Variants in SH2B1 observed in about 807,000 individuals in gnomAD.
SH2B1 encodes SH2B adaptor protein 1.
In SH2B1, 15 loss-of-function variants were observed where a neutral mutation model predicts 62.6. That is an observed-to-expected ratio of 0.24 (90% CI 0.16 to 0.37). The LOEUF (loss-of-function observed/expected upper bound fraction) is 0.37, where lower values mean the gene tolerates loss of function less well. Ranked by LOEUF, SH2B1 falls within the 10% of genes least tolerant of loss-of-function variation. The pLI, the probability that SH2B1 is intolerant of heterozygous loss-of-function variation, is 1.00. For synonymous variants in SH2B1, 443 were observed against 438.0 expected, an observed-to-expected ratio of 1.01 and a Z score of -0.14; for missense variants, 925 against 1,015.6, an observed-to-expected ratio of 0.91 and a Z score of 1.21.
Position 28,873,681 on chromosome 16 carries a change from G to C in SH2B1, c.2132G>C (p.Gly711Ala). The C allele has an allele frequency of 6.6e-7, 1 of 1,521,528 alleles. No homozygotes were observed. The highest frequency in any genetic ancestry group is 8.8e-7 in the Non-Finnish European group (1 of 1,132,260). 94.3% of individuals were successfully genotyped at this position (1,521,528 alleles called of 1,614,324 possible). ...GAATTGGAAGAGGCCATAGCCCCAG[G>C]CTCAGAGGCCCAGGGCGCTGGGTCT... Reference protein sequence around the residue: ...VVELEEAIAPGSEAQGAGSGG... With the variant: ...VVELEEAIAPASEAQGAGSGG... The change falls in exon 8 of 8, where the codon GGC becomes GCC. Residue 711 changes from glycine to alanine, a missense_variant. Transcript: ENST00000684370. The surrounding 1 kb of genome is among the most constrained non-coding windows in gnomAD (Gnocchi z 4.2).
At chr16:28,868,145 A>ATT (rs1164640704) in intron 2 of SH2B1, among the ~76,000 whole-genome samples, 4 of 116,448 alleles carry the variant, frequency 3.4e-5, no homozygotes, top group East Asian at 5.2e-4. Flanking sequence ...TTTATTATTT[A>ATT]TTTATTTTTT....
rs773735992 is a variant in SH2B1 at position 28,866,111 on chromosome 16, C to T, written c.17C>T (p.Ser6Phe). The T allele has an allele frequency of 8.2e-6, 13 of 1,578,292 alleles. No individual in the cohort carries two copies. Among genetic ancestry groups the T allele is most frequent in the Admixed American group, 1.8e-5 (1 of 57,042 alleles). The change falls in exon 1 of 8, where the codon TCC (serine) becomes TTC (phenylalanine). Residue 6 changes from serine (S) to phenylalanine (F), a missense_variant. Ser to Phe is a radical substitution (Grantham distance 155). Transcript: ENST00000684370. This position sits in a 1 kb window ranked among gnomAD's most constrained non-coding sequence, Gnocchi z 6.3. ...GGGCCCATCATGAATGGTGCCCCTT[C>T]CCCAGAGGACGGGGCCTCCCCCTCG... The part of the protein sequence containing the change: MNGAP[S>F]PEDGASPSSP...
Position 28,864,501 on chromosome 16 carries a change from G to A in SH2B1, c.-1594G>A. ...CTCCTGATTGTTTCTCGTTGGTTTGGAGTTGTCCCTGCGGTTGGAGCCATC... is the reference window on the plus strand; with the variant it reads ...CTCCTGATTGTTTCTCGTTGGTTTGAAGTTGTCCCTGCGGTTGGAGCCATC... On this transcript the variant is annotated 5_prime_UTR_variant, in exon 1 of 8. An upstream open reading frame in the 5' UTR gains an earlier in-frame stop. Transcript: ENST00000684370. The A allele has an allele frequency of 2.0e-6, 2 of 985,766 alleles. No homozygotes were observed. Among genetic ancestry groups the A allele is most frequent in the Non-Finnish European group, 2.4e-6 (2 of 830,068 alleles). 61.1% of individuals were successfully genotyped at this position (985,766 alleles called of 1,614,324 possible).
intron 1 of SH2B1, among the ~76,000 whole-genome samples, chr16:28,853,069 CAT>C (rs1487567578): frequency 1.0e-5 from 1 of 96,850 alleles, no homozygotes; most frequent in Non-Finnish European, 1.9e-5. Context: ...TATATATGTA[CAT>C]ATATATTTAT....
intron 1 of SH2B1, among the ~76,000 whole-genome samples, chr16:28,847,570 C>A (rs779554302): frequency 3.3e-5 from 5 of 151,996 alleles, no homozygotes; most frequent in Non-Finnish European, 7.4e-5. Flanking sequence ...ATAGTCCCAG[C>A]AGTTTGGGAG....
Position 28,863,889 on chromosome 16 carries a change from C to A in SH2B1, c.-2206C>A. 4.0e-6 allele frequency: 6 copies of A among 1,487,472 alleles called. No individual in the cohort carries two copies. The highest frequency in any genetic ancestry group is 5.3e-6 in the Non-Finnish European group (6 of 1,124,522). The allele number at this position is 1,487,472 out of a possible 1,614,324, so 92.1% of individuals were successfully genotyped here. On this transcript the variant is annotated 5_prime_UTR_variant, in exon 1 of 8. Transcript: ENST00000684370. ...GCGTAGTGGGTGGGGGCGCAGGGAG[C>A]GGGAGCCGCCGCCGCCGCCGCCGCC...
At chr16:28,860,100 T>C (rs1962409318), upstream of SH2B1, among the ~76,000 whole-genome samples, 1 of 152,062 alleles carries the variant, frequency 6.6e-6, no homozygotes, top group Non-Finnish European at 1.5e-5. Context: ...CCCCTTAATG[T>C]TTCCAACAAA....
At position 28,873,756 on chromosome 16, in the gene SH2B1, T is replaced by C; in HGVS notation, c.2207T>C (p.Leu736Pro). 3 of 1,479,324 alleles carry C rather than the reference T, an allele frequency of 2.0e-6. No individual in the cohort carries two copies. The highest frequency in any genetic ancestry group is 2.7e-6 in the Non-Finnish European group (3 of 1,115,544). 91.6% of individuals were successfully genotyped at this position (1,479,324 alleles called of 1,614,324 possible). ...PPMVQLQQSPLGGDGEEGGHP... is the reference protein window; with the variant it reads ...PPMVQLQQSPPGGDGEEGGHP... ...ATGGTGCAGCTGCAGCAGTCACCAC[T>C]AGGGGGTGATGGAGAGGAAGGGGGC... Residue 736 changes from leucine (L) to proline (P), a missense_variant, in exon 8 of 8, where the codon CTA (leucine) becomes CCA (proline). Leu to Pro is a moderately conservative substitution (Grantham distance 98). Transcript: ENST00000684370. This position sits in a 1 kb window ranked among gnomAD's most constrained non-coding sequence, Gnocchi z 4.2.
intron 1 of SH2B1, among the ~76,000 whole-genome samples, chr16:28,855,616 T>C (rs1472189874): frequency 1.4e-5 from 2 of 145,030 alleles, no homozygotes; most frequent in Non-Finnish European, 3.0e-5. Context: ...CACCAGCTCG[T>C]GGCACTAAGA....
At chr16:28,849,233 T>C (rs1962047357) in intron 1 of SH2B1, among the ~76,000 whole-genome samples, 1 of 152,120 alleles carries the variant, frequency 6.6e-6, no homozygotes. Flanking sequence ...ATAGCTGGGA[T>C]TACAAGCATA....
At chr16:28,870,401 C>T (rs1213450070) in intron 4 of SH2B1, among the ~76,000 whole-genome samples, 3 of 152,072 alleles carry the variant, frequency 2.0e-5, no homozygotes, top group Non-Finnish European at 4.4e-5. Flanking sequence ...GGGACTGCGA[C>T]GCCGAGGAGA....
At chr16:28,863,546 G>A (rs1044484672), upstream of SH2B1, 14 of 833,150 alleles carry the variant, frequency 1.7e-5, no homozygotes, top group Admixed American at 1.1e-4. Flanking sequence ...CGGGCCCTGG[G>A]ACTCTATCCC....
At chr16:28,871,472 G>T (rs1442873243) in intron 4 of SH2B1, among the ~76,000 whole-genome samples, 1 of 152,084 alleles carries the variant, frequency 6.6e-6, no homozygotes, top group Non-Finnish European at 1.5e-5. Context: ...ACAAAAACAT[G>T]TATATATATA....
rs952171499 is a variant in SH2B1 at position 28,872,790 on chromosome 16, G to T, written c.1897+85G>T. The T allele has an allele frequency of 1.3e-6, 2 of 1,532,482 alleles. No homozygotes were observed. Among genetic ancestry groups the T allele is most frequent in the African/African-American group, 2.7e-5 (2 of 72,944 alleles). 94.9% of individuals were successfully genotyped at this position (1,532,482 alleles called of 1,614,324 possible). A position where few individuals can be genotyped will look rare whatever the true frequency, so the allele number is the denominator to read the frequency against. On this transcript the variant is annotated intron_variant, in intron 7 of 7. Coordinates refer to ENST00000684370, the MANE Select transcript of SH2B1 (RefSeq NM_001387430.1). This position sits in a 1 kb window ranked among gnomAD's most constrained non-coding sequence, Gnocchi z 5.3. ...GTGCCAGAAAGATGGGGCGGGGAGG[G>T]GGGACTATCACAAGGAGAAGCTTTG...
At chr16:28,848,068 C>T (rs773923846) in intron 1 of SH2B1, among the ~76,000 whole-genome samples, 2 of 151,788 alleles carry the variant, frequency 1.3e-5, no homozygotes, top group African/African-American at 2.4e-5. Context: ...TCAAGTGATC[C>T]GCCCATTGTG....
At chr16:28,857,882 G>A (rs1287531457) in intron 1 of SH2B1, among the ~76,000 whole-genome samples, 2 of 151,950 alleles carry the variant, frequency 1.3e-5, no homozygotes, top group Middle Eastern at 3.2e-3. Context: ...TGGGACTACA[G>A]GCGCCCACCA....
chr16:28,870,860 A>G (rs1475276970), intron 4 of SH2B1, among the ~76,000 whole-genome samples: 1 of 151,716 alleles, frequency 6.6e-6, no homozygotes, highest in Non-Finnish European at 1.5e-5. Context: ...CTAATTTTTT[A>G]TTTTTTGTAA....
In SH2B1 at chr16:28,864,767, G is replaced by T; in HGVS notation, c.-1328G>T. 1 of 549,786 alleles carries T rather than the reference G, an allele frequency of 1.8e-6. No homozygotes were observed. Among genetic ancestry groups the T allele is most frequent in the Non-Finnish European group, 2.3e-6 (1 of 432,328 alleles). The allele number at this position is 549,786 out of a possible 1,614,324, so 34.1% of individuals were successfully genotyped here. ...ACTTTCTAGTTGTAAGACCTTGAGA[G>T]GGCTCCTCCTTTCTCTAATTTCTAT... is the stretch of plus-strand genomic sequence containing the variant. On this transcript the variant is annotated 5_prime_UTR_variant, in exon 1 of 8. It adds an upstream start codon to the 5' untranslated region. Transcript: ENST00000684370.
chr16:28,846,746 A>G (rs1019928157), exon 1 of SH2B1: 1 of 161,784 alleles, frequency 6.2e-6, no homozygotes, highest in African/African-American at 2.4e-5. Context: ...TGGGCCCGGC[A>G]GAGAGAGACC....
Sources: allele counts gnomAD v4.1 joint callset (sites outside exome capture counted in the v4.1 genomes callset), GRCh38; gene constraint gnomAD v4.1.1; non-coding constraint Gnocchi (gnomAD v3.1); transcripts MANE v1.5; gene names NCBI Gene and HGNC (gene_info 2026-07-23, HGNC 2026-07-21).